Variants in COL28A1 observed in about 807,000 individuals in gnomAD.
The protein encoded by COL28A1 is collagen type XXVIII alpha 1 chain, also known as collagen alpha-1(XXVIII) chain.
COL28A1 carries 161 observed loss-of-function variants against 150.2 expected under a neutral mutation model. The ratio of observed to expected loss-of-function variants is 1.07; its 90% CI spans 0.94 to 1.22. The LOEUF is 1.22. Ranked by LOEUF, COL28A1 falls within the 50% of genes most tolerant of loss-of-function variation. COL28A1 has a pLI of 0.00. For missense variants in COL28A1, 1,617 were observed against 1,388.3 expected (o/e 1.16, Z -2.62); for synonymous variants, 552 against 469.7 (o/e 1.18, Z -2.26).
At chr7:7,543,771 T>A in the COL28A1 span, among the ~76,000 whole-genome samples, 567 of 151,428 alleles carry the variant, frequency 3.7e-3, 4 homozygotes, top group African/African-American at 0.013. Context: ...ACTTGTAAGT[T>A]AAATATATAA....
At chr7:7,435,011 A>C (rs918553634) in intron 23 of COL28A1, among the ~76,000 whole-genome samples, 1 of 152,298 alleles carries the variant, frequency 6.6e-6, no homozygotes, top group South Asian at 2.1e-4. Flanking sequence ...ACCCTCCCAA[A>C]ACTGAAAAAC....
In COL28A1 at chr7:7,531,722, G is replaced by T; in HGVS notation, c.307C>A (p.Gln103Lys). Residue 103 changes from glutamine (Q) to lysine (K), a missense_variant, in exon 3 of 35, where the codon CAA becomes AAA. Transcript: ENST00000399429. ...CAGGAAGAAAAAGGTGGATCAATTT[G>T]GACAGAGCTGCTAAACTGAAGGGCT... Reference protein sequence around the residue: ...LAALQFSSSVQIDPPFSSWKD... With the variant: ...LAALQFSSSVKIDPPFSSWKD... The T allele has an allele frequency of 6.2e-7, 1 of 1,604,268 alleles. No homozygotes were observed. Among genetic ancestry groups the T allele is most frequent in the East Asian group, 2.2e-5 (1 of 44,846 alleles).
At chr7:7,378,021 T>G (rs1562499176) in intron 30 of COL28A1, among the ~76,000 whole-genome samples, 2 of 152,046 alleles carry the variant, frequency 1.3e-5, no homozygotes, top group South Asian at 2.1e-4. Context: ...TGGGAGCTCA[T>G]GAAGATGACT....
chr7:7,534,973 T>C (rs763862574), intron 1 of COL28A1, among the ~76,000 whole-genome samples: 2 of 152,138 alleles, frequency 1.3e-5, no homozygotes, highest in African/African-American at 4.8e-5. Flanking sequence ...TGAAATATCT[T>C]TCTCGTTTAT....
intron 27 of COL28A1, among the ~76,000 whole-genome samples, chr7:7,417,473 T>C (rs1784143608): frequency 1.7e-5 from 2 of 117,512 alleles, no homozygotes; most frequent in Admixed American, 2.1e-4. Context: ...CCATGGAGGA[T>C]ACAGGTGAGG....
chr7:7,377,516 A>G (rs12530748), intron 30 of COL28A1, among the ~76,000 whole-genome samples: 23,574 of 152,128 alleles, frequency 0.15, 2,132 homozygotes, highest in African/African-American at 0.24. Context: ...CCAGGCTGGG[A>G]CAGGGAAGGG....
chr7:7,472,684 C>T (rs946701447), intron 15 of COL28A1, among the ~76,000 whole-genome samples: 2 of 152,150 alleles, frequency 1.3e-5, no homozygotes, highest in African/African-American at 4.8e-5. Flanking sequence ...TTCTGAAATT[C>T]ATATGCAACC....
chr7:7,520,240 G>C, intron 5 of COL28A1, 125 bp from the exon 6 acceptor site: 1 of 536,502 alleles, frequency 1.9e-6, no homozygotes, highest in Admixed American at 3.6e-5. Context: ...TACCTGCCAA[G>C]CAGAAATTCA....
At chr7:7,454,267 T>C (rs1036583257) in intron 16 of COL28A1, among the ~76,000 whole-genome samples, 8 of 152,152 alleles carry the variant, frequency 5.3e-5, no homozygotes, top group African/African-American at 1.9e-4. Context: ...AAACATTCAT[T>C]TTTATGAGAG....
intron 20 of COL28A1, among the ~76,000 whole-genome samples, chr7:7,441,180 TCA>T (rs1360393534): frequency 6.6e-6 from 1 of 152,226 alleles, no homozygotes; most frequent in Non-Finnish European, 1.5e-5. Context: ...TCTGAGACAT[TCA>T]CAGTTTCAGA....
At chr7:7,401,921 C>A (rs1404902663) in intron 27 of COL28A1, among the ~76,000 whole-genome samples, 1 of 152,082 alleles carries the variant, frequency 6.6e-6, no homozygotes. Context: ...AATTGAGAAC[C>A]CCCAAAATTT....
intron 12 of COL28A1, 54 bp downstream of exon 12, chr7:7,490,524 G>A: frequency 1.2e-6 from 1 of 829,612 alleles, no homozygotes. Context: ...GGCTCCCCCA[G>A]GCCCTACAAT....
intron 34 of COL28A1, 28 bp downstream of exon 34, chr7:7,360,362 A>C (rs771040583): frequency 6.6e-7 from 1 of 1,519,756 alleles, no homozygotes; most frequent in African/African-American, 1.4e-5. Flanking sequence ...TAGAATCAAA[A>C]TGGGACTTGG....
downstream of COL28A1, among the ~76,000 whole-genome samples, chr7:7,351,962 T>C (rs1418353146): frequency 1.3e-5 from 2 of 152,256 alleles, no homozygotes; most frequent in Admixed American, 6.5e-5. Context: ...GAATTACTGA[T>C]AGAACACACT....
chr7:7,363,569 C>CA (rs1562466203), intron 33 of COL28A1, among the ~76,000 whole-genome samples: 2 of 151,362 alleles, frequency 1.3e-5, no homozygotes, highest in South Asian at 2.1e-4. Flanking sequence ...ATGTGGATAT[C>CA]AAAAAAAAGA....
At chr7:7,529,252 G>A (rs747287542) in intron 3 of COL28A1, among the ~76,000 whole-genome samples, 40 of 142,606 alleles carry the variant, frequency 2.8e-4, no homozygotes, top group Non-Finnish European at 5.4e-4. Flanking sequence ...TCGTGCCACT[G>A]CACTCCAGCC....
chr7:7,437,483 C>G (rs769480706), intron 21 of COL28A1, 21 bp from the exon 22 acceptor site: 13 of 1,608,252 alleles, frequency 8.1e-6, no homozygotes, highest in Non-Finnish European at 1.1e-5. Context: ...GCAAAATGCT[C>G]ACTACATTTC....
At chr7:7,505,686 G>A (rs904567270) in intron 11 of COL28A1, among the ~76,000 whole-genome samples, 3 of 152,274 alleles carry the variant, frequency 2.0e-5, no homozygotes, top group African/African-American at 7.2e-5. Context: ...GGTTTGAATT[G>A]TGTCACTTGT....
chr7:7,381,185 G>A (rs1177402117), intron 28 of COL28A1, among the ~76,000 whole-genome samples: 1 of 152,076 alleles, frequency 6.6e-6, no homozygotes, highest in African/African-American at 2.4e-5. Context: ...TACATGGTAT[G>A]TTGTAAGTAT....
Sources: allele counts gnomAD v4.1 joint callset (sites outside exome capture counted in the v4.1 genomes callset), GRCh38; gene constraint gnomAD v4.1.1; transcripts MANE v1.5; gene names NCBI Gene and HGNC (gene_info 2026-07-23, HGNC 2026-07-21).